ARPP21: variants seen among roughly 807,000 people sequenced by gnomAD.
ARPP21 encodes the protein cAMP-regulated phosphoprotein 21.
A neutral mutation model predicts 113.2 loss-of-function variants in ARPP21; 69 were observed. The ratio of observed to expected loss-of-function variants is 0.61; its 90% CI spans 0.50 to 0.74. The LOEUF (loss-of-function observed/expected upper bound fraction) is 0.74. ARPP21 is among the 30% of genes least tolerant of loss of function. The pLI, the probability that ARPP21 is intolerant of heterozygous loss-of-function variation, is 0.00. For missense variants in ARPP21, 1,070 were observed against 1,037.4 expected (o/e 1.03, Z -0.43); for synonymous variants, 368 against 375.5 (o/e 0.98, Z 0.23).
At chr3:35,694,314 T>C (rs2083149500) in intron 9 of ARPP21, among the ~76,000 whole-genome samples, 1 of 151,596 alleles carries the variant, frequency 6.6e-6, no homozygotes, top group Non-Finnish European at 1.5e-5. Flanking sequence ...CTATCTGCTC[T>C]TTTATGATGA....
At chr3:35,647,739 C>T (rs566859336) in intron 1 of ARPP21, among the ~76,000 whole-genome samples, 2 of 152,120 alleles carry the variant, frequency 1.3e-5, no homozygotes, top group Non-Finnish European at 2.9e-5. Flanking sequence ...AAGCTCTAAA[C>T]CTCTCTGTGC....
At chr3:35,697,199 C>G (rs2084391904) in intron 9 of ARPP21, among the ~76,000 whole-genome samples, 1 of 151,596 alleles carries the variant, frequency 6.6e-6, no homozygotes, top group Non-Finnish European at 1.5e-5. Context: ...TACATCCACC[C>G]ACTGTCATTG....
intron 1 of ARPP21, among the ~76,000 whole-genome samples, chr3:35,659,237 C>G (rs911159916): frequency 3.9e-5 from 6 of 152,178 alleles, no homozygotes; most frequent in African/African-American, 1.4e-4. Context: ...TACATACATG[C>G]TTGTGAATGC....
chr3:35,694,015 C>G (rs780289119), intron 9 of ARPP21, among the ~76,000 whole-genome samples: 22 of 151,436 alleles, frequency 1.5e-4, no homozygotes, highest in Non-Finnish European at 3.0e-4. Flanking sequence ...TTATATTGTT[C>G]TTCTTCAGTG....
chr3:35,746,922 T>A (rs1559831841), intron 19 of ARPP21, among the ~76,000 whole-genome samples: 1 of 152,162 alleles, frequency 6.6e-6, no homozygotes, highest in Non-Finnish European at 1.5e-5. Flanking sequence ...ACACCTGAGT[T>A]CCCCTGTGGC....
intron 19 of ARPP21, among the ~76,000 whole-genome samples, chr3:35,784,416 C>G (rs150084694): frequency 6.6e-6 from 1 of 152,134 alleles, no homozygotes; most frequent in Non-Finnish European, 1.5e-5. Flanking sequence ...CACAAATCAG[C>G]GCTTTTGTTT....
rs145703596 is a variant in ARPP21 at position 35,650,643 on chromosome 3, T to C, written c.-213+10245T>C. 3.3e-5 allele frequency among the ~76,000 whole-genome samples: 5 copies of C among 152,168 alleles called. No homozygotes were observed. The East Asian group carries it at 9.7e-4, about 29-fold the overall frequency. On this transcript the variant is annotated intron_variant, in intron 1 of 20. Coordinates refer to ENST00000684406, the MANE Select transcript of ARPP21 (RefSeq NM_001385562.1). Reference sequence around the variant, plus strand: ...GAAGAGTGAGCACCACTGAGAAGCTTTGGTGGAGAGGAAAGTTCTGTTGGT... The same window carrying C: ...GAAGAGTGAGCACCACTGAGAAGCTCTGGTGGAGAGGAAAGTTCTGTTGGT...
chr3:35,644,803 G>A lies in ARPP21; in HGVS notation c.-213+4405G>A, dbSNP rs527555779. Among the ~76,000 whole-genome samples, 4 of 151,956 alleles carry A rather than the reference G, an allele frequency of 2.6e-5. No homozygotes were observed. In the South Asian group the frequency reaches 8.3e-4, roughly 31 times the overall value. On this transcript the variant is annotated intron_variant, in intron 1 of 20. Transcript: ENST00000684406. The stretch of plus-strand genomic sequence containing the variant: ...AGATCCTGGAATTGCCAGGTGGAGA[G>A]AATGTTAATCACTGTCCATGGTCAC...
At chr3:35,767,006 C>T (rs904117699) in intron 19 of ARPP21, among the ~76,000 whole-genome samples, 1 of 152,126 alleles carries the variant, frequency 6.6e-6, no homozygotes, top group Non-Finnish European at 1.5e-5. Context: ...TGGGGTTAAA[C>T]TTCATTTAGC....
intron 19 of ARPP21, among the ~76,000 whole-genome samples, chr3:35,783,429 T>A (rs917817647): frequency 1.3e-5 from 2 of 152,210 alleles, no homozygotes; most frequent in African/African-American, 2.4e-5. Context: ...GTTTTTTTTT[T>A]AATTTCTTTC....
intron 1 of ARPP21, among the ~76,000 whole-genome samples, chr3:35,664,747 G>C (rs946223878): frequency 2.6e-5 from 4 of 152,052 alleles, no homozygotes; most frequent in Admixed American, 6.6e-5. Context: ...TTGGTCATGC[G>C]CCCCTGGTAA....
At chr3:35,762,126 T>TCA (rs371775285) in intron 19 of ARPP21, among the ~76,000 whole-genome samples, 2,270 of 126,956 alleles carry the variant, frequency 0.018, 42 homozygotes, top group African/African-American at 0.043. Flanking sequence ...TCTCTCTCTC[T>TCA]CACACACACA....
chr3:35,743,420 C>A (rs1488106472), intron 18 of ARPP21, among the ~76,000 whole-genome samples: 1 of 152,142 alleles, frequency 6.6e-6, no homozygotes, highest in Non-Finnish European at 1.5e-5. Context: ...TTGACTAGGG[C>A]TACACTTACA....
At chr3:35,791,006 A>G (rs2096736346) in intron 19 of ARPP21, among the ~76,000 whole-genome samples, 1 of 152,206 alleles carries the variant, frequency 6.6e-6, no homozygotes, top group Non-Finnish European at 1.5e-5. Flanking sequence ...CCAATTCTCC[A>G]AACTGAGGAC....
In ARPP21 at chr3:35,688,801, A is replaced by G. The variant is rs536571568; in HGVS notation, c.407-506A>G. Among the ~76,000 whole-genome samples, 64 of 151,642 alleles carry G rather than the reference A, an allele frequency of 4.2e-4. 1 individual carries two copies. The South Asian group carries it at 0.013, about 30-fold the overall frequency. On this transcript the variant is annotated intron_variant, in intron 6 of 20. Transcript: ENST00000684406. Reference sequence around the variant, plus strand: ...AAATTAAGCTTTGGACAGCATTAGGATATTTAAAAGTCTTGGGAATATTTA... The same window carrying G: ...AAATTAAGCTTTGGACAGCATTAGGGTATTTAAAAGTCTTGGGAATATTTA...
rs1277038506 is a variant in ARPP21 at position 35,708,896 on chromosome 3, C to T, written c.796-73C>T. On this transcript the variant is annotated intron_variant, in intron 10 of 20. Coordinates refer to ENST00000684406, the MANE Select transcript of ARPP21 (RefSeq NM_001385562.1). The stretch of plus-strand genomic sequence containing the variant: ...TTAAGTGAACATTTATTATTCTTAG[C>T]TGACAGTTGCTTAACCACAGATTTC... The T allele has an allele frequency of 3.2e-6, 3 of 944,112 alleles. No individual in the cohort carries two copies. In the African/African-American group the frequency reaches 4.9e-5, roughly 16 times the overall value. 58.5% of individuals were successfully genotyped at this position (944,112 alleles called of 1,614,324 possible).
intron 1 of ARPP21, among the ~76,000 whole-genome samples, chr3:35,647,104 C>G (rs1343830009): frequency 6.6e-6 from 1 of 152,270 alleles, no homozygotes; most frequent in African/African-American, 2.4e-5. Context: ...GTTAAGCACT[C>G]TGACAACTGA....
intron 10 of ARPP21, chr3:35,707,383 G>A: frequency 7.1e-6 from 4 of 559,890 alleles, no homozygotes; most frequent in South Asian, 6.1e-5. Flanking sequence ...CCGAGCTGTG[G>A]AGAAAAGCTT....
At chr3:35,720,200 T>C (rs1313749735) in intron 13 of ARPP21, among the ~76,000 whole-genome samples, 3 of 152,206 alleles carry the variant, frequency 2.0e-5, no homozygotes, top group Non-Finnish European at 4.4e-5. Flanking sequence ...CATCTAATCT[T>C]TCACTCGAAA....
Sources: allele counts gnomAD v4.1 joint callset (sites outside exome capture counted in the v4.1 genomes callset), GRCh38; gene constraint gnomAD v4.1.1; transcripts MANE v1.5; gene names NCBI Gene and HGNC (gene_info 2026-07-23, HGNC 2026-07-21).